CCNY: variants seen among roughly 807,000 people sequenced by gnomAD.
CCNY encodes cyclin Y.
A neutral mutation model predicts 42.8 loss-of-function variants in CCNY; 19 were observed. That is an observed-to-expected ratio of 0.44 (90% confidence interval 0.31 to 0.65). The LOEUF is 0.65. Ranked by LOEUF, CCNY falls within the 30% of genes least tolerant of loss-of-function variation. The pLI is 0.07. For synonymous variants in CCNY, 165 were observed against 162.7 expected, an observed-to-expected ratio of 1.01 and a Z score of -0.11; for missense variants, 370 against 437.3, an observed-to-expected ratio of 0.85 and a Z score of 1.37.
chr10:35,554,216 G>T (rs146737144), intron 8 of CCNY, among the ~76,000 whole-genome samples: 1 of 152,006 alleles, frequency 6.6e-6, no homozygotes, highest in Non-Finnish European at 1.5e-5. Context: ...TCTGGATTCC[G>T]CAGCAGCCTA....
intron 1 of CCNY, among the ~76,000 whole-genome samples, chr10:35,340,661 C>T (rs1314256646): frequency 3.3e-5 from 5 of 152,002 alleles, no homozygotes; most frequent in Non-Finnish European, 4.4e-5. Flanking sequence ...TGCGCCACCA[C>T]GCCTGGCTAA....
rs111604464 is a variant in CCNY, at chr10:35,388,452, A to G, written c.154+51245A>G. Reference sequence around the variant, plus strand: ...CTGTTGACTGGTGAGTCTATGAAAGATGTTCTGGGAGCAGGCTGGAAACTT... The same window carrying G: ...CTGTTGACTGGTGAGTCTATGAAAGGTGTTCTGGGAGCAGGCTGGAAACTT... On this transcript the variant is annotated intron_variant, in intron 1 of 9. Transcript: ENST00000374704. Among the ~76,000 whole-genome samples, 512 of 152,302 alleles carry G rather than the reference A, an allele frequency of 3.4e-3. 4 individuals are homozygous for G. Among genetic ancestry groups the G allele is most frequent in the African/African-American group, 0.012 (482 of 41,568 alleles).
In CCNY at chr10:35,267,118, T is replaced by C. The variant is rs974090859; in HGVS notation, c.-9+16492T>C. ...AAAAAAAATGACCTACTGTGGGTAA[T>C]GAGGGCACATAGAACAGCTCTTTCC... is the stretch of plus-strand genomic sequence containing the variant. On this transcript the variant is annotated intron_variant, in intron 3 of 11. Transcript: ENST00000374706. Among the ~76,000 whole-genome samples, 117 of 148,848 alleles carry C rather than the reference T, an allele frequency of 7.9e-4. 1 individual carries two copies. Among genetic ancestry groups the C allele is most frequent in the African/African-American group, 2.8e-3 (113 of 40,418 alleles).
intron 3 of CCNY, among the ~76,000 whole-genome samples, chr10:35,330,756 ATT>A (rs1247357767): frequency 0.076 from 10,799 of 142,660 alleles, 389 homozygotes; most frequent in South Asian, 0.094. Flanking sequence ...GGCAGCTTTT[ATT>A]TTTTTTTTTT....
chr10:35,343,290 C>T (rs1467533953), intron 1 of CCNY, among the ~76,000 whole-genome samples: 2 of 151,444 alleles, frequency 1.3e-5, no homozygotes, highest in East Asian at 3.9e-4. Context: ...CGCCCAGTCT[C>T]CTGCCTGCTT....
At chr10:35,499,680 TGG>T (rs1840072294) in intron 2 of CCNY, among the ~76,000 whole-genome samples, 1 of 152,196 alleles carries the variant, frequency 6.6e-6, no homozygotes, top group African/African-American at 2.4e-5. Context: ...GACCTTAGTA[TGG>T]GTGGTGGTTC....
chr10:35,315,369 T>C (rs1428913215), intron 3 of CCNY: 3 of 152,176 alleles, frequency 2.0e-5, no homozygotes, highest in Non-Finnish European at 4.4e-5. Flanking sequence ...TGGTATTTGG[T>C]TTTCTGCTCC....
intron 3 of CCNY, among the ~76,000 whole-genome samples, chr10:35,261,300 C>T (rs762748482): frequency 9.6e-4 from 140 of 145,982 alleles, no homozygotes; most frequent in Non-Finnish European, 1.7e-3. Context: ...CAGCCTGGTG[C>T]GATCTCAGCT....
chr10:35,247,576 A>G (rs896123660), intron 1 of CCNY, among the ~76,000 whole-genome samples: 2 of 151,402 alleles, frequency 1.3e-5, no homozygotes, highest in Non-Finnish European at 2.9e-5. Context: ...ACAGAGTGAG[A>G]CCTTGTCTCT....
In CCNY at chr10:35,495,887, TTGAGTGAG is replaced by T. The variant is rs577398890; in HGVS notation, c.230-5594_230-5587del. Among the ~76,000 whole-genome samples, 5 of 152,224 alleles carry T rather than the reference TTGAGTGAG, an allele frequency of 3.3e-5. No homozygotes were observed. In the South Asian group the frequency reaches 1.0e-3, roughly 32 times the overall value. ...ACAGGGGCTCAACAGTTGTTTTGAA[TTGAGTGAG>T]TGAGTGAGTGAGTGAGTGAATTCAC... is the stretch of plus-strand genomic sequence containing the variant. On this transcript the variant is annotated intron_variant, in intron 2 of 9. Coordinates refer to ENST00000374704, the MANE Select transcript of CCNY (RefSeq NM_145012.6).
At chr10:35,481,331 C>G (rs1839664714) in intron 1 of CCNY, among the ~76,000 whole-genome samples, 1 of 152,150 alleles carries the variant, frequency 6.6e-6, no homozygotes, top group East Asian at 1.9e-4. Flanking sequence ...AGCATAGAAC[C>G]CCAATCTGCA....
chr10:35,475,105 A>G (rs998282322), intron 1 of CCNY, among the ~76,000 whole-genome samples: 5 of 152,254 alleles, frequency 3.3e-5, no homozygotes, highest in African/African-American at 7.2e-5. Flanking sequence ...ATAAAAAGAA[A>G]GGAGCAAAGC....
intron 1 of CCNY, among the ~76,000 whole-genome samples, chr10:35,361,901 C>T (rs1232860497): frequency 6.6e-6 from 1 of 152,154 alleles, no homozygotes; most frequent in African/African-American, 2.4e-5. Context: ...CTTCAGCACC[C>T]AAAATCTGAA....
At chr10:35,485,835 A>C (rs1483925160) in intron 2 of CCNY, among the ~76,000 whole-genome samples, 1 of 152,124 alleles carries the variant, frequency 6.6e-6, no homozygotes, top group Admixed American at 6.5e-5. Context: ...GCTTTTGGCA[A>C]ATTGGTCCTA....
chr10:35,377,336 T>A (rs1837076123), intron 1 of CCNY, among the ~76,000 whole-genome samples: 1 of 152,186 alleles, frequency 6.6e-6, no homozygotes, highest in Admixed American at 6.5e-5. Flanking sequence ...CCATTTTTAA[T>A]CTTTTATACC....
chr10:35,387,596 G>A (rs1210628432), intron 1 of CCNY, among the ~76,000 whole-genome samples: 1 of 152,208 alleles, frequency 6.6e-6, no homozygotes, highest in Non-Finnish European at 1.5e-5. Flanking sequence ...ACAAAAGGGA[G>A]GAGGGGAGTG....
chr10:35,415,872 G>A (rs1802959079), intron 1 of CCNY, among the ~76,000 whole-genome samples: 1 of 152,248 alleles, frequency 6.6e-6, no homozygotes, highest in Admixed American at 6.5e-5. Context: ...GCAGGTGGCA[G>A]TGCCCGCTCT....
At chr10:35,443,679 G>A (rs774502661) in intron 1 of CCNY, among the ~76,000 whole-genome samples, 2 of 152,164 alleles carry the variant, frequency 1.3e-5, no homozygotes, top group South Asian at 2.1e-4. Context: ...TCTGCTAGCC[G>A]TAATAAAGAA....
At chr10:35,529,494 T>G (rs911256571) in intron 5 of CCNY, among the ~76,000 whole-genome samples, 1 of 152,232 alleles carries the variant, frequency 6.6e-6, no homozygotes, top group African/African-American at 2.4e-5. Context: ...ATTTTAATCA[T>G]AAGTGATTAA....
Sources: gnomAD v4.1 joint callset for allele counts (sites outside exome capture counted in the v4.1 genomes callset) on GRCh38, gnomAD v4.1.1 for gene constraint, MANE v1.5 for transcripts, NCBI Gene and HGNC (gene_info 2026-07-23, HGNC 2026-07-21) for gene names.